SAMD12: variants seen among roughly 807,000 people sequenced by gnomAD.
SAMD12 encodes the protein sterile alpha motif domain-containing protein 12.
In SAMD12, 9 loss-of-function variants were observed where a neutral mutation model predicts 15.0. The observed-to-expected ratio is 0.60, with a 90% confidence interval of 0.36 to 1.05. The LOEUF is 1.05. Among genes scored for constraint, SAMD12 ranks in the 50% least tolerant of loss-of-function variants. The pLI is 0.01. For synonymous variants in SAMD12, 86 were observed against 90.1 expected, an observed-to-expected ratio of 0.96 and a Z score of 0.25; for missense variants, 230 against 234.2, an observed-to-expected ratio of 0.98 and a Z score of 0.12.
At chr8:118,267,701 TTGTGTGTGTGTGTGTG>T (rs10671962) in intron 4 of SAMD12, among the ~76,000 whole-genome samples, 8 of 147,504 alleles carry the variant, frequency 5.4e-5, no homozygotes, top group African/African-American at 2.0e-4. Context: ...TTCCCATCTG[TTGTGTGTGTGTGTGTG>T]TGTGTGTGTG....
At chr8:118,446,601 C>T (rs1398264634) in intron 2 of SAMD12, among the ~76,000 whole-genome samples, 1 of 152,144 alleles carries the variant, frequency 6.6e-6, no homozygotes, top group Non-Finnish European at 1.5e-5. Context: ...TCCACAGCAT[C>T]CGAAAACGTA....
intron 4 of SAMD12, among the ~76,000 whole-genome samples, chr8:118,330,413 G>C (rs1180510232): frequency 1.3e-5 from 2 of 152,124 alleles, no homozygotes; most frequent in Non-Finnish European, 2.9e-5. Context: ...AGAGTGCCTG[G>C]GAATGCAGAG....
At chr8:118,195,888 T>C (rs1819544236) in exon 5 of SAMD12, 1 of 152,410 alleles carries the variant, frequency 6.6e-6, no homozygotes, top group Non-Finnish European at 1.5e-5. Context: ...GAGACTGGAA[T>C]ATTGTGTCCA....
At chr8:118,310,841 C>G (rs949038137) in intron 4 of SAMD12, among the ~76,000 whole-genome samples, 9 of 152,154 alleles carry the variant, frequency 5.9e-5, no homozygotes, top group African/African-American at 2.4e-5. Context: ...GTTTCTATTT[C>G]CTTCACCTGA....
chr8:118,544,244 T>C (rs553784909), intron 2 of SAMD12, among the ~76,000 whole-genome samples: 2 of 152,320 alleles, frequency 1.3e-5, no homozygotes, highest in African/African-American at 4.8e-5. Flanking sequence ...TATTTTGGAA[T>C]AATTTAAGTG....
At chr8:118,537,479 G>C (rs1012049095) in intron 2 of SAMD12, among the ~76,000 whole-genome samples, 1 of 150,766 alleles carries the variant, frequency 6.6e-6, no homozygotes, top group Non-Finnish European at 1.5e-5. Context: ...TTTTTCTTTT[G>C]TATCCTCTGA....
intron 2 of SAMD12, among the ~76,000 whole-genome samples, chr8:118,497,726 G>GC (rs921656522): frequency 1.4e-4 from 17 of 117,682 alleles, no homozygotes; most frequent in Non-Finnish European, 2.4e-4. Context: ...TAAGTTGCGG[G>GC]GGGGGGTGGG....
chr8:118,382,021 GCTCA>G (rs1244295108), intron 3 of SAMD12, among the ~76,000 whole-genome samples: 1 of 152,180 alleles, frequency 6.6e-6, no homozygotes, highest in Admixed American at 6.5e-5. Flanking sequence ...CCAATGCTCT[GCTCA>G]CTGTCAGACC....
At chr8:118,227,448 T>C (rs1040853645) in intron 4 of SAMD12, among the ~76,000 whole-genome samples, 2 of 152,108 alleles carry the variant, frequency 1.3e-5, no homozygotes, top group Admixed American at 1.3e-4. Flanking sequence ...TGAAATAATC[T>C]ACATAACAAA....
At chr8:118,388,351 A>T (rs143621571) in intron 3 of SAMD12, among the ~76,000 whole-genome samples, 1 of 152,348 alleles carries the variant, frequency 6.6e-6, no homozygotes, top group African/African-American at 2.4e-5. Flanking sequence ...TAGAACTAAT[A>T]TAATAAGCAC....
Position 118,379,259 on chromosome 8 carries a change from G to A in SAMD12, c.*158C>T, listed in dbSNP as rs1819540765. 4.2e-6 allele frequency: 6 copies of A among 1,431,630 alleles called. No homozygotes were observed. In the South Asian group the frequency reaches 6.0e-5, roughly 14 times the overall value. 88.7% of individuals were successfully genotyped at this position (1,431,630 alleles called of 1,614,324 possible). ...TGAGTGCAATCGTACCCTGATTGAT[G>A]TGACTGGTATTCTCTGGGGTTGTGC... On this transcript the variant is annotated 3_prime_UTR_variant, in exon 4 of 4. Coordinates refer to ENST00000314727, the MANE Select transcript of SAMD12 (RefSeq NM_207506.3).
intron 4 of SAMD12, among the ~76,000 whole-genome samples, chr8:118,302,091 T>TTTTTTTTTTTTTTTTTTTTTTTTTG (rs1815074067): frequency 6.9e-6 from 1 of 145,550 alleles, no homozygotes; most frequent in African/African-American, 2.6e-5. Context: ...TTTTTTTTTT[T>TTTTTTTTTTTTTTTTTTTTTTTTTG]TTTTTTTTTT....
chr8:118,463,602 G>C (rs1823500020), intron 2 of SAMD12, among the ~76,000 whole-genome samples: 1 of 152,056 alleles, frequency 6.6e-6, no homozygotes, highest in Non-Finnish European at 1.5e-5. Flanking sequence ...CCTGATGAAG[G>C]GGAACAGAAA....
intron 4 of SAMD12, among the ~76,000 whole-genome samples, chr8:118,336,638 A>G (rs1014632126): frequency 6.6e-6 from 1 of 152,184 alleles, no homozygotes; most frequent in Non-Finnish European, 1.5e-5. Flanking sequence ...CAGTCCCACC[A>G]ACAGTGTAAA....
At chr8:118,155,830 A>G in the SAMD12 span, among the ~76,000 whole-genome samples, 4 of 152,326 alleles carry the variant, frequency 2.6e-5, no homozygotes, top group Admixed American at 2.0e-4. Context: ...ACGGAGTTGA[A>G]TAAGGTGAAG....
intron 4 of SAMD12, among the ~76,000 whole-genome samples, chr8:118,263,175 G>A (rs1286364011): frequency 6.6e-6 from 1 of 151,978 alleles, no homozygotes; most frequent in African/African-American, 2.4e-5. Flanking sequence ...TTTCCTGTTT[G>A]CAAAATGTCT....
At chr8:118,528,014 C>T (rs1825576785) in intron 2 of SAMD12, among the ~76,000 whole-genome samples, 1 of 143,366 alleles carries the variant, frequency 7.0e-6, no homozygotes, top group African/African-American at 2.6e-5. Flanking sequence ...AGTTTTTGTT[C>T]TTTATAATAT....
chr8:118,243,430 A>G lies in SAMD12; in HGVS notation c.434-45698T>C, dbSNP rs1158862049. ...CTCAACTCTGTGCACCTGAGATGCA[A>G]AAAGATAACCTGCATGCACTGTACC... is the stretch of plus-strand genomic sequence containing the variant. On this transcript the variant is annotated intron_variant, in intron 4 of 4. Transcript: ENST00000409003. Among the ~76,000 whole-genome samples, 26 of 151,794 alleles carry G rather than the reference A, an allele frequency of 1.7e-4. 1 individual carries two copies. The highest frequency in any genetic ancestry group is 2.9e-5 in the Non-Finnish European group (2 of 67,992).
intron 1 of SAMD12, among the ~76,000 whole-genome samples, chr8:118,605,825 T>C (rs1321435866): frequency 1.0e-5 from 1 of 97,178 alleles, no homozygotes; most frequent in East Asian, 3.7e-4. Flanking sequence ...TATATATATA[T>C]ATATATACTG....
Sources: allele counts gnomAD v4.1 joint callset (sites outside exome capture counted in the v4.1 genomes callset), GRCh38; gene constraint gnomAD v4.1.1; transcripts MANE v1.5; gene names NCBI Gene and HGNC (gene_info 2026-07-23, HGNC 2026-07-21).